Variants in RBBP6 observed in about 807,000 individuals in gnomAD.
RBBP6 encodes RB binding protein 6, ubiquitin ligase, also known as E3 ubiquitin-protein ligase RBBP6.
In RBBP6, 25 loss-of-function variants were observed where a neutral mutation model predicts 167.7. The observed-to-expected ratio is 0.15, with a 90% CI of 0.11 to 0.21. The LOEUF (loss-of-function observed/expected upper bound fraction) is 0.21, where lower values mean the gene tolerates loss of function less well. RBBP6 is among the 10% of genes least tolerant of loss of function. The pLI is 1.00. For synonymous variants in RBBP6, 789 were observed against 735.8 expected (o/e 1.07, Z -1.17); for missense variants, 1,868 against 2,134.2 (o/e 0.88, Z 2.46).
chr16:24,556,286 TCTTC>T lies in RBBP6; in HGVS notation c.535-18_535-15del, dbSNP rs1202169509. ...TAACTGCTTTTTCTCTTCCTCCTCCTCTTCCTTTTTCCTCTGAATAGGATAAAAA... is the reference window on the plus strand; with the variant it reads ...TAACTGCTTTTTCTCTTCCTCCTCCTCTTTTTCCTCTGAATAGGATAAAAA... On this transcript the variant is annotated intron_variant, in intron 6 of 17. Transcript: ENST00000319715. The T allele has an allele frequency of 6.5e-7, 1 of 1,527,804 alleles. No individual in the cohort carries two copies. 94.6% of individuals were successfully genotyped at this position (1,527,804 alleles called of 1,614,324 possible).
At chr16:24,541,138 AGGAG>A in intron 1 of RBBP6, among the ~76,000 whole-genome samples, 2 of 145,266 alleles carry the variant, frequency 1.4e-5, no homozygotes, top group South Asian at 2.3e-4. Flanking sequence ...ATTTTCCATC[AGGAG>A]GGCAGGAGAG....
chr16:24,556,166 T>C (rs1212633673), intron 6 of RBBP6, 142 bp from the exon 7 acceptor site: 1 of 735,240 alleles, frequency 1.4e-6, no homozygotes, highest in Non-Finnish European at 2.2e-6. Flanking sequence ...GTACTTCACA[T>C]AGCAGTTACA....
intron 1 of RBBP6, among the ~76,000 whole-genome samples, chr16:24,543,354 G>A (rs1259949259): frequency 1.3e-5 from 2 of 149,014 alleles, no homozygotes; most frequent in East Asian, 3.9e-4. Flanking sequence ...CACAATTTTG[G>A]CTCATTGCAG....
At chr16:24,566,534 A>C (rs1462540034) in intron 14 of RBBP6, among the ~76,000 whole-genome samples, 1 of 152,150 alleles carries the variant, frequency 6.6e-6, no homozygotes, top group African/African-American at 2.4e-5. Flanking sequence ...TGAGGTCAGG[A>C]GTTTGAGAAC....
At chr16:24,551,605 A>G (rs576104575) in intron 3 of RBBP6, among the ~76,000 whole-genome samples, 1 of 151,938 alleles carries the variant, frequency 6.6e-6, no homozygotes, top group South Asian at 2.1e-4. Context: ...GTTAGCAGAA[A>G]GCTTAAAAGC....
At chr16:24,555,210 T>TA (rs1898885386) in intron 4 of RBBP6, 2 of 155,526 alleles carry the variant, frequency 1.3e-5, no homozygotes, top group Admixed American at 6.4e-5. Context: ...TGCTGCATAA[T>TA]ACGTTCAGTC....
intron 2 of RBBP6, among the ~76,000 whole-genome samples, chr16:24,547,997 T>G (rs953938518): frequency 1.6e-4 from 13 of 80,442 alleles, no homozygotes; most frequent in Non-Finnish European, 3.4e-4. Context: ...TGCATCTCAG[T>G]TTTTTTTTGA....
At chr16:24,568,641 A>T in intron 16 of RBBP6, 104 bp from the exon 17 acceptor site, 1 of 1,419,648 alleles carries the variant, frequency 7.0e-7, no homozygotes, top group Non-Finnish European at 9.3e-7. Flanking sequence ...AATTTGATAT[A>T]AAGATAGATG....
Position 24,571,762 on chromosome 16 carries a change from T to C in RBBP6, c.4696T>C (p.Cys1566Arg). ...EETKSVDKNP[C>R]KDREKHVLEA... ...GACAAAATCTGTAGATAAAAATCCT[T>C]GTAAGGATCGTGAGAAGCATGTATT... is the stretch of plus-strand genomic sequence containing the variant. The change falls in exon 18 of 18, where the codon TGT becomes CGT. Residue 1566 changes from cysteine (C) to arginine (R), a missense_variant. Coordinates refer to ENST00000319715, the MANE Select transcript of RBBP6 (RefSeq NM_006910.5). 1 of 1,614,020 alleles carries C rather than the reference T, an allele frequency of 6.2e-7. No homozygotes were observed. Among genetic ancestry groups the C allele is most frequent in the Non-Finnish European group, 8.5e-7 (1 of 1,179,966 alleles).
In RBBP6 at chr16:24,569,666, T is replaced by C; in HGVS notation, c.2976T>C (p.Asp992=). 1 of 1,613,620 alleles carries C rather than the reference T, an allele frequency of 6.2e-7. No homozygotes were observed. Residue 992 remains aspartate, a synonymous_variant, in exon 17 of 18, where the codon GAT becomes GAC. Transcript: ENST00000319715. ...CACCTGTTAGAGATGAACCAATGGA[T>C]GCAGAATCAATCACTTTTAAATCAG... ...DATPVRDEPM[D]AESITFKSVS... is the part of the protein sequence containing the mutation.
At chr16:24,549,684 C>G (rs914424849) in intron 3 of RBBP6, among the ~76,000 whole-genome samples, 5 of 151,814 alleles carry the variant, frequency 3.3e-5, no homozygotes, top group Admixed American at 2.6e-4. Context: ...ATATAAGTGT[C>G]TTAGTGATTT....
At position 24,561,897 on chromosome 16, in the gene RBBP6, C is replaced by G. The variant is rs1899067337; in HGVS notation, c.1025C>G (p.Pro342Arg). Residue 342 changes from proline (P) to arginine (R), a missense_variant, in exon 10 of 18, where the codon CCA becomes CGA. Physicochemically the swap from Pro to Arg is moderately radical, Grantham distance 103. Coordinates refer to ENST00000319715, the MANE Select transcript of RBBP6 (RefSeq NM_006910.5). Reference sequence around the variant, plus strand: ...AAACAGTTACCTCCTCCACCACCCCCAATACCACCTCCGAGACCACTGATT... The same window carrying G: ...AAACAGTTACCTCCTCCACCACCCCGAATACCACCTCCGAGACCACTGATT... Reference protein sequence around the residue: ...LRKQLPPPPPPIPPPRPLIQR... With the variant: ...LRKQLPPPPPRIPPPRPLIQR... The G allele has an allele frequency of 1.2e-6, 2 of 1,614,118 alleles. No homozygotes were observed. Among genetic ancestry groups the G allele is most frequent in the South Asian group, 1.1e-5 (1 of 91,078 alleles).
rs371196203 is a variant in RBBP6, at chr16:24,562,091, G to A, written c.1219G>A (p.Ala407Thr). 1.2e-4 allele frequency: 199 copies of A among 1,613,334 alleles called. No individual in the cohort carries two copies. The highest frequency in any genetic ancestry group is 1.6e-4 in the Non-Finnish European group (189 of 1,179,638). Residue 407 changes from alanine to threonine, a missense_variant, in exon 10 of 18, where the codon GCT becomes ACT. Ala to Thr is a moderately conservative substitution (Grantham distance 58). This residue lies in a region of RBBP6 where 245 missense variants were observed against 240.1 expected (regional missense o/e 1.02). Transcript: ENST00000319715. ...GTCTGGAAATCCGTCTTCTGCTCCA[G>A]CTCCTGTACCTGATATAACTGCAAC... ...PVSGNPSSAP[A>T]PVPDITATVS...
chr16:24,559,713 A>G, intron 8 of RBBP6, 36 bp downstream of exon 8: 1 of 1,477,622 alleles, frequency 6.8e-7, no homozygotes, highest in South Asian at 1.5e-5. Context: ...TGTATATTTT[A>G]GAATATTTGT....
intron 1 of RBBP6, among the ~76,000 whole-genome samples, chr16:24,541,718 T>A (rs1898505128): frequency 1.3e-5 from 2 of 152,212 alleles, no homozygotes; most frequent in African/African-American, 4.8e-5. Context: ...TGAACTTGTT[T>A]TGGTTTCTTT....
Position 24,563,405 on chromosome 16 carries a change from T to C in RBBP6, c.1387-18T>C. The C allele has an allele frequency of 6.3e-7, 1 of 1,581,696 alleles. No homozygotes were observed. The highest frequency in any genetic ancestry group is 8.6e-7 in the Non-Finnish European group (1 of 1,169,324). On this transcript the variant is annotated intron_variant, in intron 11 of 17. Transcript: ENST00000319715. ...TTTTTTTTTAACTATTTCTGTTTAT[T>C]TGTGGTTGTTTCTAAAGGGTTACCA...
At chr16:24,564,420 G>A (rs1177860214) in intron 13 of RBBP6, among the ~76,000 whole-genome samples, 1 of 151,978 alleles carries the variant, frequency 6.6e-6, no homozygotes, top group Non-Finnish European at 1.5e-5. Context: ...TTCCTCGTTT[G>A]GATTTGGAAT....
chr16:24,570,840 C>G, intron 17 of RBBP6, 36 bp from the exon 18 acceptor site: 1 of 1,338,932 alleles, frequency 7.5e-7, no homozygotes, highest in East Asian at 2.7e-5. Context: ...ATAGTAAATT[C>G]TTCATTAATT....
Position 24,567,409 on chromosome 16 carries a change from G to A in RBBP6, c.1856G>A (p.Gly619Glu). ...TTATCAACACCTTGGGTATCATCAG[G>A]AGTGCAGACAGCTCATTCAAATACC... ...ANLSTPWVSS[G>E]VQTAHSNTIP... The change falls in exon 15 of 18, where the codon GGA (glycine) becomes GAA (glutamate). Residue 619 changes from glycine to glutamate, a missense_variant. This residue lies in a region of RBBP6 where 145 missense variants were observed against 224.3 expected (regional missense o/e 0.65). Coordinates refer to ENST00000319715, the MANE Select transcript of RBBP6 (RefSeq NM_006910.5). 1 of 1,614,112 alleles carries A rather than the reference G, an allele frequency of 6.2e-7. No homozygotes were observed. Among genetic ancestry groups the A allele is most frequent in the Middle Eastern group, 1.6e-4 (1 of 6,062 alleles).
Sources: allele counts gnomAD v4.1 joint callset (sites outside exome capture counted in the v4.1 genomes callset), GRCh38; gene constraint gnomAD v4.1.1; regional missense constraint gnomAD v4.1.1; transcripts MANE v1.5; gene names NCBI Gene and HGNC (gene_info 2026-07-23, HGNC 2026-07-21).